CDH8: variants seen among roughly 807,000 people sequenced by gnomAD.
CDH8 encodes the protein cadherin 8, also known as cadherin-8.
A neutral mutation model predicts 68.1 loss-of-function variants in CDH8; 17 were observed. The observed-to-expected ratio is 0.25, with a 90% CI of 0.17 to 0.37. The LOEUF (loss-of-function observed/expected upper bound fraction) is 0.37. Ranked by LOEUF, CDH8 falls within the 10% of genes least tolerant of loss-of-function variation. CDH8 has a pLI of 1.00. For synonymous variants in CDH8, 372 were observed against 365.1 expected (o/e 1.02, Z -0.21); for missense variants, 763 against 999.3 (o/e 0.76, Z 3.19).
intron 2 of CDH8, among the ~76,000 whole-genome samples, chr16:61,953,895 TTATATATATATATATATATA>T (rs66743095): frequency 1.7e-5 from 2 of 118,876 alleles, no homozygotes; most frequent in African/African-American, 3.8e-5. Context: ...AAAAAAAACT[TTATATATATATATATATATA>T]TATATATATA....
At chr16:61,765,864 A>G (rs1196753098) in intron 8 of CDH8, among the ~76,000 whole-genome samples, 1 of 152,040 alleles carries the variant, frequency 6.6e-6, no homozygotes, top group African/African-American at 2.4e-5. Context: ...GTGATACTGA[A>G]TTGAAAATAG....
chr16:61,765,781 A>G (rs1960575231), intron 8 of CDH8, among the ~76,000 whole-genome samples: 2 of 151,982 alleles, frequency 1.3e-5, no homozygotes, highest in South Asian at 4.1e-4. Context: ...CCGTGGTAGA[A>G]GAGAAAGGAT....
rs1596830849 is a variant in CDH8 at position 61,652,404 on chromosome 16, C to T, written c.*1204G>A. On this transcript the variant is annotated 3_prime_UTR_variant, in exon 12 of 12. Transcript: ENST00000577390. ...TAAAAGTCTAGAGTTTAAATATTCA[C>T]AGGAATCAATATACTTTAGGATGTT... 1 of 985,028 alleles carries T rather than the reference C, an allele frequency of 1.0e-6. No homozygotes were observed. The highest frequency in any genetic ancestry group is 6.1e-5 in the Admixed American group (1 of 16,272). The allele number at this position is 985,028 out of a possible 1,614,324, so 61.0% of individuals were successfully genotyped here.
intron 1 of CDH8, among the ~76,000 whole-genome samples, chr16:62,025,633 A>T (rs1424317126): frequency 6.6e-6 from 1 of 152,174 alleles, no homozygotes; most frequent in East Asian, 1.9e-4. Context: ...CTTATATGCC[A>T]TCTCTTAGAT....
chr16:61,710,007 C>T (rs984691668), intron 10 of CDH8, among the ~76,000 whole-genome samples: 2 of 152,174 alleles, frequency 1.3e-5, no homozygotes, highest in Middle Eastern at 3.4e-3. Flanking sequence ...TTTAAAGCTT[C>T]AAAGAGACCT....
chr16:62,005,329 G>C (rs1000560525), intron 2 of CDH8, among the ~76,000 whole-genome samples: 3 of 152,162 alleles, frequency 2.0e-5, no homozygotes, highest in African/African-American at 7.2e-5. Context: ...CCTGGCCTGC[G>C]TTATGTAGCA....
intron 10 of CDH8, among the ~76,000 whole-genome samples, chr16:61,656,184 A>G (rs1037214219): frequency 1.3e-5 from 2 of 152,050 alleles, no homozygotes; most frequent in Admixed American, 1.3e-4. Flanking sequence ...CGCTTTTTCA[A>G]TCAGCATGGA....
chr16:62,028,357 C>T (rs1304297695), intron 1 of CDH8, among the ~76,000 whole-genome samples: 1 of 151,992 alleles, frequency 6.6e-6, no homozygotes, highest in Non-Finnish European at 1.5e-5. Context: ...CGTGAGCCAC[C>T]GCGACCGGCC....
intron 3 of CDH8, among the ~76,000 whole-genome samples, chr16:61,866,666 T>C (rs867102002): frequency 6.6e-6 from 1 of 152,116 alleles, no homozygotes; most frequent in African/African-American, 2.4e-5. Flanking sequence ...TTCTACATCA[T>C]GACTTAACAC....
chr16:61,898,830 T>G (rs373216322), intron 3 of CDH8, among the ~76,000 whole-genome samples: 1 of 152,012 alleles, frequency 6.6e-6, no homozygotes, highest in Non-Finnish European at 1.5e-5. Flanking sequence ...GTACGTGGGA[T>G]TTGAGAGTGC....
chr16:61,797,762 C>G (rs899335385), intron 7 of CDH8, among the ~76,000 whole-genome samples: 1 of 152,040 alleles, frequency 6.6e-6, no homozygotes, highest in East Asian at 1.9e-4. Flanking sequence ...GAGGGCTCTA[C>G]ATGGAAAAAG....
At chr16:61,908,184 A>G (rs1196803708) in intron 2 of CDH8, among the ~76,000 whole-genome samples, 1 of 152,182 alleles carries the variant, frequency 6.6e-6, no homozygotes, top group Non-Finnish European at 1.5e-5. Context: ...ACATCTTAGC[A>G]TTATTTTCTC....
chr16:61,790,827 G>C (rs1961360610), intron 7 of CDH8, among the ~76,000 whole-genome samples: 1 of 151,944 alleles, frequency 6.6e-6, no homozygotes, highest in Non-Finnish European at 1.5e-5. Context: ...AAGATAGCTA[G>C]ATAAATAACT....
chr16:62,008,941 GCACACACACA>G (rs10530899), intron 2 of CDH8, among the ~76,000 whole-genome samples: 1 of 147,776 alleles, frequency 6.8e-6, no homozygotes, highest in Non-Finnish European at 1.5e-5. Flanking sequence ...AATAGGATGT[GCACACACACA>G]CACACACACA....
At chr16:61,700,278 G>GT (rs56012802) in intron 10 of CDH8, among the ~76,000 whole-genome samples, 4,022 of 136,446 alleles carry the variant, frequency 0.029, 56 homozygotes, top group Non-Finnish European at 0.047. Context: ...ATTTTTAGTT[G>GT]TTTTTTTTTT....
At chr16:61,657,489 G>C (rs1963470353) in intron 10 of CDH8, among the ~76,000 whole-genome samples, 1 of 152,012 alleles carries the variant, frequency 6.6e-6, no homozygotes, top group South Asian at 2.1e-4. Flanking sequence ...ATGGAGTTAA[G>C]CAGTTATATA....
rs542724530 is a variant in CDH8, at chr16:61,792,744, G to C, written c.1278-3262C>G. 2.0e-5 allele frequency among the ~76,000 whole-genome samples: 3 copies of C among 151,972 alleles called. No individual in the cohort carries two copies. In the East Asian group the frequency reaches 5.8e-4, roughly 29 times the overall value. On this transcript the variant is annotated intron_variant, in intron 7 of 11. Coordinates refer to ENST00000577390, the MANE Select transcript of CDH8 (RefSeq NM_001796.5). ...GCTTATCTTATTCATGCATAAAATGGGGATAGTAATAGTCCCTGGCTAACA... is the reference window on the plus strand; with the variant it reads ...GCTTATCTTATTCATGCATAAAATGCGGATAGTAATAGTCCCTGGCTAACA...
intron 2 of CDH8, among the ~76,000 whole-genome samples, chr16:61,923,293 G>A (rs1355843422): frequency 2.0e-5 from 3 of 151,914 alleles, no homozygotes; most frequent in East Asian, 1.9e-4. Flanking sequence ...TTCCACCGTC[G>A]GTCAGACACT....
At chr16:61,748,051 C>T (rs981722303) in intron 8 of CDH8, among the ~76,000 whole-genome samples, 2 of 152,034 alleles carry the variant, frequency 1.3e-5, no homozygotes, top group African/African-American at 4.8e-5. Context: ...CTTTGGTTGA[C>T]TTCTTCCTCA....
Sources: gnomAD v4.1 joint callset for allele counts (sites outside exome capture counted in the v4.1 genomes callset) on GRCh38, gnomAD v4.1.1 for gene constraint, MANE v1.5 for transcripts, NCBI Gene and HGNC (gene_info 2026-07-23, HGNC 2026-07-21) for gene names.